The following IMMP2L variants were observed in gnomAD, a reference collection of about 807,000 sequenced individuals.
The protein encoded by IMMP2L is inner mitochondrial membrane peptidase subunit 2, also known as mitochondrial inner membrane protease subunit 2.
IMMP2L carries 18 observed loss-of-function variants against 19.3 expected under a neutral mutation model. The ratio of observed to expected loss-of-function variants is 0.93; its 90% CI spans 0.64 to 1.38. The LOEUF (loss-of-function observed/expected upper bound fraction) is 1.38, where lower values mean the gene tolerates loss of function less well. Ranked by LOEUF, IMMP2L falls within the 40% of genes most tolerant of loss-of-function variation. The pLI is 0.00. For synonymous variants in IMMP2L, 76 were observed against 73.0 expected, an observed-to-expected ratio of 1.04 and a Z score of -0.21; for missense variants, 233 against 218.2, an observed-to-expected ratio of 1.07 and a Z score of -0.43.
intron 3 of IMMP2L, among the ~76,000 whole-genome samples, chr7:111,095,986 C>T (rs894875182): frequency 2.6e-5 from 4 of 151,870 alleles, no homozygotes; most frequent in Non-Finnish European, 4.4e-5. Flanking sequence ...TATCACAATC[C>T]TATTCTTTTC....
chr7:110,675,684 T>A (rs927522037), intron 5 of IMMP2L, among the ~76,000 whole-genome samples: 2 of 152,082 alleles, frequency 1.3e-5, no homozygotes, highest in Non-Finnish European at 2.9e-5. Flanking sequence ...AGCTTTAAAA[T>A]AAGTTTTAAA....
chr7:110,838,737 A>G (rs1476487198), intron 5 of IMMP2L, among the ~76,000 whole-genome samples: 2 of 152,154 alleles, frequency 1.3e-5, no homozygotes, highest in African/African-American at 4.8e-5. Context: ...ACCCAGTTTC[A>G]GGTATTCTGC....
chr7:111,369,309 A>G (rs547339795), intron 3 of IMMP2L, among the ~76,000 whole-genome samples: 1 of 151,986 alleles, frequency 6.6e-6, no homozygotes, highest in Non-Finnish European at 1.5e-5. Flanking sequence ...AGGTTTTTAC[A>G]TTTTGTAATA....
At chr7:111,330,011 T>C (rs1184591796) in intron 3 of IMMP2L, among the ~76,000 whole-genome samples, 1 of 151,582 alleles carries the variant, frequency 6.6e-6, no homozygotes, top group East Asian at 1.9e-4. Flanking sequence ...AAGAAAACCA[T>C]AACACTCAAA....
intron 3 of IMMP2L, among the ~76,000 whole-genome samples, chr7:110,998,862 C>T (rs1183666123): frequency 1.3e-5 from 2 of 152,178 alleles, no homozygotes; most frequent in Non-Finnish European, 2.9e-5. Flanking sequence ...TATAGGATCA[C>T]AGCTCTCAAT....
chr7:111,128,839 A>T (rs774697204), intron 3 of IMMP2L, among the ~76,000 whole-genome samples: 2 of 152,184 alleles, frequency 1.3e-5, no homozygotes, highest in Non-Finnish European at 2.9e-5. Context: ...AAAGAGGCAT[A>T]TTTAGTTACC....
chr7:111,474,149 T>A (rs1314836902), intron 3 of IMMP2L, among the ~76,000 whole-genome samples: 2 of 151,938 alleles, frequency 1.3e-5, no homozygotes, highest in Non-Finnish European at 2.9e-5. Context: ...AAGATGGCAA[T>A]AATAGACACT....
At position 111,463,279 on chromosome 7, in the gene IMMP2L, C is replaced by A. The variant is rs370346182; in HGVS notation, c.239+23959G>T. Among the ~76,000 whole-genome samples, 264 of 152,098 alleles carry A rather than the reference C, an allele frequency of 1.7e-3. 1 individual carries two copies. The highest frequency in any genetic ancestry group is 6.2e-3 in the African/African-American group (259 of 41,498). ...ATGACACCTCATTTTAACTTGATTA[C>A]TTCTGTAAAGACCCAGATCTTCAAC... On this transcript the variant is annotated intron_variant, in intron 3 of 5. Coordinates refer to ENST00000405709, the MANE Select transcript of IMMP2L (RefSeq NM_032549.4).
intron 3 of IMMP2L, among the ~76,000 whole-genome samples, chr7:111,003,142 G>T (rs964049352): frequency 6.6e-6 from 1 of 151,968 alleles, no homozygotes; most frequent in African/African-American, 2.4e-5. Flanking sequence ...TTAGTTCATT[G>T]TTCACTTAAT....
chr7:111,019,428 A>G (rs1035154525), intron 3 of IMMP2L, among the ~76,000 whole-genome samples: 2 of 152,160 alleles, frequency 1.3e-5, no homozygotes, highest in African/African-American at 4.8e-5. Flanking sequence ...GGGAAACTGC[A>G]GTGGTTGAGA....
chr7:111,157,179 A>T (rs1804732354), intron 3 of IMMP2L, among the ~76,000 whole-genome samples: 1 of 152,080 alleles, frequency 6.6e-6, no homozygotes, highest in South Asian at 2.1e-4. Context: ...GCTCCTCATA[A>T]AACTAAAAAT....
At chr7:110,730,611 G>A (rs376072110) in intron 5 of IMMP2L, among the ~76,000 whole-genome samples, 33 of 150,628 alleles carry the variant, frequency 2.2e-4, no homozygotes, top group African/African-American at 6.6e-4. Flanking sequence ...TGCAAGCTCC[G>A]CCTCCCGGGT....
intron 3 of IMMP2L, among the ~76,000 whole-genome samples, chr7:110,968,797 C>T (rs1819833698): frequency 6.6e-6 from 1 of 152,128 alleles, no homozygotes; most frequent in Non-Finnish European, 1.5e-5. Context: ...CTACCTAGAG[C>T]ATCATGTAAC....
At chr7:111,117,447 T>C (rs1021671837) in intron 3 of IMMP2L, among the ~76,000 whole-genome samples, 1 of 152,106 alleles carries the variant, frequency 6.6e-6, no homozygotes, top group Non-Finnish European at 1.5e-5. Flanking sequence ...AAATTTTCTT[T>C]CGGTGTATCA....
In IMMP2L at chr7:111,096,592, T is replaced by A. The variant is rs552873371; in HGVS notation, c.240-133027A>T. The stretch of plus-strand genomic sequence containing the variant: ...GTATGTTGTTCTACCTACTCATCCA[T>A]ATGTTTGTCTGACAGCATTAGCACT... On this transcript the variant is annotated intron_variant, in intron 3 of 5. Transcript: ENST00000405709. Among the ~76,000 whole-genome samples, 2 of 151,284 alleles carry A rather than the reference T, an allele frequency of 1.3e-5. 1 individual carries two copies. The highest frequency in any genetic ancestry group is 4.1e-4 in the South Asian group (2 of 4,820).
chr7:111,330,925 T>C (rs946607162), intron 3 of IMMP2L, among the ~76,000 whole-genome samples: 1 of 151,902 alleles, frequency 6.6e-6, no homozygotes, highest in Non-Finnish European at 1.5e-5. Flanking sequence ...AGACAAAAGT[T>C]AACAAATATT....
intron 3 of IMMP2L, among the ~76,000 whole-genome samples, chr7:111,242,402 G>A (rs889003316): frequency 5.3e-5 from 8 of 152,118 alleles, no homozygotes; most frequent in Middle Eastern, 3.4e-3. Flanking sequence ...AACAATAAAT[G>A]AATCTGCCTT....
intron 3 of IMMP2L, among the ~76,000 whole-genome samples, chr7:111,003,396 C>T (rs180989718): frequency 6.6e-6 from 1 of 152,214 alleles, no homozygotes; most frequent in East Asian, 1.9e-4. Context: ...AATATCCCTG[C>T]TGCATAAAGC....
intron 5 of IMMP2L, among the ~76,000 whole-genome samples, chr7:110,678,904 G>C (rs1792506642): frequency 6.6e-6 from 1 of 152,140 alleles, no homozygotes. Context: ...CTATGGTTTG[G>C]AAGAGATTCG....
Sources: gnomAD v4.1 joint callset for allele counts (sites outside exome capture counted in the v4.1 genomes callset) on GRCh38, gnomAD v4.1.1 for gene constraint, MANE v1.5 for transcripts, NCBI Gene and HGNC (gene_info 2026-07-23, HGNC 2026-07-21) for gene names.